Variants in RAPGEF6 observed in about 807,000 individuals in gnomAD.
RAPGEF6 encodes the protein Rap guanine nucleotide exchange factor 6, also known as PDZ domain containing guanine nucleotide exchange factor (GEF) 2.
In RAPGEF6, 56 loss-of-function variants were observed where a neutral mutation model predicts 171.4. The ratio of observed to expected loss-of-function variants is 0.33; its 90% CI spans 0.26 to 0.41. RAPGEF6 has a LOEUF of 0.41. RAPGEF6 is among the 10% of genes least tolerant of loss of function. RAPGEF6 has a pLI of 1.00. For synonymous variants in RAPGEF6, 692 were observed against 650.1 expected (o/e 1.06, Z -0.98); for missense variants, 1,674 against 1,921.4 (o/e 0.87, Z 2.41).
intron 26 of RAPGEF6, among the ~76,000 whole-genome samples, chr5:131,430,479 T>C (rs1467258830): frequency 6.6e-6 from 1 of 152,208 alleles, no homozygotes; most frequent in African/African-American, 2.4e-5. Flanking sequence ...ATTCAATGTT[T>C]CTACCACGTA....
At chr5:131,587,706 T>G (rs530062142) in intron 4 of RAPGEF6, among the ~76,000 whole-genome samples, 2 of 152,210 alleles carry the variant, frequency 1.3e-5, no homozygotes, top group Admixed American at 1.3e-4. Flanking sequence ...CCCCTCTTTC[T>G]CCCTCAAAGT....
intron 4 of RAPGEF6, among the ~76,000 whole-genome samples, chr5:131,562,545 C>T (rs528542890): frequency 1.3e-5 from 2 of 152,278 alleles, no homozygotes; most frequent in African/African-American, 4.8e-5. Context: ...GGATTGGTTC[C>T]AGAATCCCCA....
intron 24 of RAPGEF6, among the ~76,000 whole-genome samples, chr5:131,438,021 A>G (rs1255753250): frequency 4.6e-5 from 7 of 151,938 alleles, no homozygotes; most frequent in Non-Finnish European, 1.0e-4. Context: ...TCGTTTCCAT[A>G]GCCACCAAAC....
rs756356995 is a variant in RAPGEF6 at position 131,462,025 on chromosome 5, T to C, written c.2544A>G (p.Leu848=). 18 of 1,613,412 alleles carry C rather than the reference T, an allele frequency of 1.1e-5. No individual in the cohort carries two copies. Among genetic ancestry groups the C allele is most frequent in the South Asian group, 2.2e-5 (2 of 90,960 alleles). ...GCATGGATAGCTGGCTTTCCTTAAC[T>C]AGTTCTTGAGCATCTTCATCTGAAC... is the stretch of plus-strand genomic sequence containing the variant. ...TLCSDEDAQE[L]VKESQLSMLQ... Residue 848 remains leucine, a synonymous_variant, in exon 19 of 28, where the codon CTA becomes CTG. Transcript: ENST00000509018.
chr5:131,440,295 GA>G (rs1752295942), intron 23 of RAPGEF6: 5 of 453,470 alleles, frequency 1.1e-5, no homozygotes, highest in Non-Finnish European at 2.2e-5. Context: ...CAGCACAGTG[GA>G]ACGATTCCTT....
chr5:131,536,670 A>G (rs1759798460), intron 6 of RAPGEF6, among the ~76,000 whole-genome samples: 1 of 152,176 alleles, frequency 6.6e-6, no homozygotes, highest in Non-Finnish European at 1.5e-5. Context: ...GTAAGCTTCT[A>G]TAATTAGAAT....
At chr5:131,441,930 T>G (rs1200791742) in intron 23 of RAPGEF6, among the ~76,000 whole-genome samples, 1 of 152,190 alleles carries the variant, frequency 6.6e-6, no homozygotes, top group African/African-American at 2.4e-5. Context: ...AAAGTTATAT[T>G]CTCTTGTTTC....
intron 3 of RAPGEF6, among the ~76,000 whole-genome samples, chr5:131,600,337 T>G (rs1239438987): frequency 1.3e-5 from 2 of 151,800 alleles, no homozygotes. Flanking sequence ...GCCTGGCCAA[T>G]GTGGTGAAAC....
intron 1 of RAPGEF6, among the ~76,000 whole-genome samples, chr5:131,627,761 C>G (rs906963014): frequency 6.6e-6 from 1 of 151,996 alleles, no homozygotes; most frequent in African/African-American, 2.4e-5. Context: ...TCATGACAAC[C>G]CTGCATCAAG....
chr5:131,599,966 A>C (rs976831917), intron 3 of RAPGEF6, among the ~76,000 whole-genome samples: 2 of 152,230 alleles, frequency 1.3e-5, no homozygotes, highest in African/African-American at 4.8e-5. Context: ...CCCCATACTG[A>C]AACTAATCTG....
intron 4 of RAPGEF6, among the ~76,000 whole-genome samples, chr5:131,586,712 T>C (rs909658724): frequency 6.6e-6 from 1 of 152,124 alleles, no homozygotes. Flanking sequence ...TTGAAAAGAA[T>C]GACTGAAATT....
intron 1 of RAPGEF6, among the ~76,000 whole-genome samples, chr5:131,617,375 T>C (rs573221975): frequency 1.3e-5 from 2 of 152,356 alleles, no homozygotes; most frequent in East Asian, 3.9e-4. Context: ...GCTCTGTTAG[T>C]TACTACTTGT....
At chr5:131,563,483 T>C (rs1476644696) in intron 4 of RAPGEF6, among the ~76,000 whole-genome samples, 1 of 152,166 alleles carries the variant, frequency 6.6e-6, no homozygotes, top group Non-Finnish European at 1.5e-5. Flanking sequence ...AAATAACTTT[T>C]GAACATAACC....
intron 23 of RAPGEF6, 106 bp downstream of exon 23, chr5:131,442,243 A>T (rs1752431974): frequency 9.0e-7 from 1 of 1,105,046 alleles, no homozygotes; most frequent in Non-Finnish European, 1.2e-6. Flanking sequence ...CGATTATATT[A>T]CACAACCTAC....
At chr5:131,540,759 G>C (rs772750693) in intron 6 of RAPGEF6, among the ~76,000 whole-genome samples, 1 of 152,206 alleles carries the variant, frequency 6.6e-6, no homozygotes, top group Non-Finnish European at 1.5e-5. Flanking sequence ...AGAGAATAAA[G>C]TTAAATAAAG....
intron 6 of RAPGEF6, among the ~76,000 whole-genome samples, chr5:131,543,549 T>C (rs1209435034): frequency 1.3e-5 from 2 of 152,120 alleles, no homozygotes; most frequent in African/African-American, 4.8e-5. Flanking sequence ...CTATAGATAT[T>C]ATTGAGTGAT....
At chr5:131,592,087 C>T (rs577315121) in intron 4 of RAPGEF6, among the ~76,000 whole-genome samples, 1 of 152,244 alleles carries the variant, frequency 6.6e-6, no homozygotes, top group African/African-American at 2.4e-5. Context: ...AACTCCCGAC[C>T]TCAGGTGATC....
chr5:131,590,452 G>T (rs1374480353), intron 4 of RAPGEF6, among the ~76,000 whole-genome samples: 1 of 152,106 alleles, frequency 6.6e-6, no homozygotes, highest in Non-Finnish European at 1.5e-5. Flanking sequence ...TTACGGTATG[G>T]TTTCTGTATT....
chr5:131,502,860 G>A (rs1486629390), intron 11 of RAPGEF6, among the ~76,000 whole-genome samples: 1 of 152,166 alleles, frequency 6.6e-6, no homozygotes, highest in African/African-American at 2.4e-5. Context: ...GTGCAATGGT[G>A]TGATCTCGGC....
Sources: allele counts gnomAD v4.1 joint callset (sites outside exome capture counted in the v4.1 genomes callset), GRCh38; gene constraint gnomAD v4.1.1; transcripts MANE v1.5; gene names NCBI Gene and HGNC (gene_info 2026-07-23, HGNC 2026-07-21).